Variants in PCDHGA7 observed in about 807,000 individuals in gnomAD.
PCDHGA7 encodes protocadherin gamma-A7.
Under a neutral mutation model 58.3 loss-of-function variants are expected in PCDHGA7, and 44 were observed. That is an observed-to-expected ratio of 0.75 (90% CI 0.59 to 0.97). The LOEUF (loss-of-function observed/expected upper bound fraction) is 0.97. Ranked by LOEUF, PCDHGA7 falls within the 50% of genes least tolerant of loss-of-function variation. The pLI, the probability that PCDHGA7 is intolerant of heterozygous loss-of-function variation, is 0.00. For missense variants in PCDHGA7, 1,266 were observed against 1,188.7 expected, an observed-to-expected ratio of 1.06 and a Z score of -0.96; for synonymous variants, 516 against 504.2, an observed-to-expected ratio of 1.02 and a Z score of -0.31.
intron 1 of PCDHGA7, among the ~76,000 whole-genome samples, chr5:141,484,795 C>T (rs1265916821): frequency 6.6e-6 from 1 of 151,784 alleles, no homozygotes; most frequent in African/African-American, 2.4e-5. Context: ...AGATAACAAC[C>T]CGTGGAAAAA....
chr5:141,399,713 A>C (rs1353862646), intron 1 of PCDHGA7: 1 of 1,613,326 alleles, frequency 6.2e-7, no homozygotes, highest in Non-Finnish European at 8.5e-7. Context: ...CTCACACTAC[A>C]GGCCCGCGAC....
At position 141,393,532 on chromosome 5, in the gene PCDHGA7, C is replaced by G. The variant is rs1411410420; in HGVS notation, c.2424+8209C>G. 1.4e-5 allele frequency: 23 copies of G among 1,613,886 alleles called. No homozygotes were observed. Among genetic ancestry groups the G allele is most frequent in the Non-Finnish European group, 1.9e-5 (23 of 1,179,916 alleles). On this transcript the variant is annotated intron_variant, in intron 1 of 3. Transcript: ENST00000518325. The stretch of plus-strand genomic sequence containing the variant: ...GTGTTGGATACAAATGACAATGCCC[C>G]GGTTTTTCCTCACCCGATTTACCGA...
chr5:141,423,121 G>T lies in PCDHGA7; in HGVS notation c.2424+37798G>T, dbSNP rs368205535. The T allele has an allele frequency of 5.6e-6, 9 of 1,613,680 alleles. No homozygotes were observed. The African/African-American group carries it at 1.1e-4, about 19-fold the overall frequency. ...CACGGGCGAGGTGCGTACAGCGCGG[G>T]CACTGCTGGACAGAGACGCGCTCAA... On this transcript the variant is annotated intron_variant, in intron 1 of 3. Coordinates refer to ENST00000518325, the MANE Select transcript of PCDHGA7 (RefSeq NM_018920.4).
chr5:141,434,072 A>G lies in PCDHGA7; in HGVS notation c.2424+48749A>G, dbSNP rs558084143. On this transcript the variant is annotated intron_variant, in intron 1 of 3. Coordinates refer to ENST00000518325, the MANE Select transcript of PCDHGA7 (RefSeq NM_018920.4). ...CAATGGCCTGTAATCTGTTAATATC[A>G]ATTATTTATTTTGATGCTGAAATTG... Among the ~76,000 whole-genome samples the G allele has an allele frequency of 1.9e-3, 289 of 152,072 alleles. 1 individual carries two copies. Among genetic ancestry groups the G allele is most frequent in the African/African-American group, 6.7e-3 (276 of 41,486 alleles).
In PCDHGA7 at chr5:141,490,442, A is replaced by T. The variant is rs757900187; in HGVS notation, c.2425-4365A>T. On this transcript the variant is annotated intron_variant, in intron 1 of 3. Transcript: ENST00000518325. The surrounding 1 kb of genome is among the most constrained non-coding windows in gnomAD (Gnocchi z 5.4). ...CTGCCATTTCAGATTAAGCCTTCTG[A>T]GAACCACTACTCGCTGCTAACCAGC... 16 of 1,614,092 alleles carry T rather than the reference A, an allele frequency of 9.9e-6. No individual in the cohort carries two copies. Among genetic ancestry groups the T allele is most frequent in the Non-Finnish European group, 1.2e-5 (14 of 1,180,044 alleles).
intron 1 of PCDHGA7, chr5:141,404,653 C>A (rs754039673): frequency 2.4e-5 from 39 of 1,614,206 alleles, no homozygotes; most frequent in Non-Finnish European, 3.1e-5. Flanking sequence ...ACCCTGCCCT[C>A]CCCACTGATG....
chr5:141,426,491 G>A, intron 1 of PCDHGA7: 1 of 336,822 alleles, frequency 3.0e-6, no homozygotes, highest in South Asian at 2.4e-5. Flanking sequence ...CTTAGAGTTA[G>A]TGCAGAGAAA....
At chr5:141,425,209 A>G (rs2096861765) in intron 1 of PCDHGA7, among the ~76,000 whole-genome samples, 1 of 152,180 alleles carries the variant, frequency 6.6e-6, no homozygotes, top group African/African-American at 2.4e-5. Context: ...GATGTAAGGC[A>G]TTGTACTTTG....
At position 141,487,144 on chromosome 5, in the gene PCDHGA7, C is replaced by T. The variant is rs2099640304; in HGVS notation, c.2425-7663C>T. The T allele has an allele frequency of 6.2e-7, 1 of 1,614,032 alleles. No homozygotes were observed. Among genetic ancestry groups the T allele is most frequent in the African/African-American group, 1.3e-5 (1 of 75,056 alleles). On this transcript the variant is annotated intron_variant, in intron 1 of 3. Coordinates refer to ENST00000518325, the MANE Select transcript of PCDHGA7 (RefSeq NM_018920.4). This position sits in a 1 kb window ranked among gnomAD's most constrained non-coding sequence, Gnocchi z 5.0. ...ATAGTGGTAGTCCACCACTCTCTAC[C>T]TCTGTTACTCTCTTAGTGTCCTTAG...
intron 1 of PCDHGA7, chr5:141,409,175 G>T: frequency 6.2e-7 from 1 of 1,614,008 alleles, no homozygotes; most frequent in Non-Finnish European, 8.5e-7. Flanking sequence ...GAAGGACGGA[G>T]GTGGTCTCTC....
In PCDHGA7 at chr5:141,490,275, C is replaced by A; in HGVS notation, c.2425-4532C>A. 6.2e-7 allele frequency: 1 copy of A among 1,614,238 alleles called. No individual in the cohort carries two copies. The highest frequency in any genetic ancestry group is 8.5e-7 in the Non-Finnish European group (1 of 1,180,044). On this transcript the variant is annotated intron_variant, in intron 1 of 3. Transcript: ENST00000518325. The surrounding 1 kb of genome is among the most constrained non-coding windows in gnomAD (Gnocchi z 5.4). Reference sequence around the variant, plus strand: ...AAGTGGATGTGGGGGATGTCAATGACAATGCCCCAGAGGTGCTATTGGCCT... The same window carrying A: ...AAGTGGATGTGGGGGATGTCAATGAAAATGCCCCAGAGGTGCTATTGGCCT...
intron 1 of PCDHGA7, chr5:141,420,545 A>G: frequency 3.5e-6 from 1 of 289,066 alleles, no homozygotes; most frequent in Non-Finnish European, 6.2e-6. Flanking sequence ...TATAAAATAC[A>G]GGTATATTTT....
At chr5:141,408,667 C>G in intron 1 of PCDHGA7, 1 of 1,613,954 alleles carries the variant, frequency 6.2e-7, no homozygotes, top group Non-Finnish European at 8.5e-7. Context: ...TATCGCTTGA[C>G]CCTGCCACGG....
chr5:141,427,046 C>G (rs916723344), intron 1 of PCDHGA7: 2 of 457,362 alleles, frequency 4.4e-6, no homozygotes, highest in Admixed American at 4.7e-5. Context: ...AGAATGTGCC[C>G]CCAGGCACCT....
chr5:141,434,795 T>C (rs1027924206), intron 1 of PCDHGA7, among the ~76,000 whole-genome samples: 2 of 152,004 alleles, frequency 1.3e-5, no homozygotes, highest in African/African-American at 2.4e-5. Context: ...TTTTTTTTTC[T>C]GAGCTTGGAG....
At chr5:141,408,588 A>G in intron 1 of PCDHGA7, 1 of 1,614,042 alleles carries the variant, frequency 6.2e-7, no homozygotes, top group Non-Finnish European at 8.5e-7. Context: ...GTTAATGACC[A>G]CGCCCCTCAA....
intron 1 of PCDHGA7, among the ~76,000 whole-genome samples, chr5:141,481,555 C>T (rs1013876865): frequency 3.3e-5 from 5 of 152,164 alleles, no homozygotes; most frequent in South Asian, 2.1e-4. Flanking sequence ...CAGTGGCTCA[C>T]GCCTGTAATC....
In PCDHGA7 at chr5:141,432,867, T is replaced by C; in HGVS notation, c.2424+47544T>C. ...GTAGCGGTGGCCGCGGTCTCCTGCG[T>C]CTTCCTGGCCTTCGTCATCTTGCTG... On this transcript the variant is annotated intron_variant, in intron 1 of 3. Coordinates refer to ENST00000518325, the MANE Select transcript of PCDHGA7 (RefSeq NM_018920.4). The surrounding 1 kb of genome is among the most constrained non-coding windows in gnomAD (Gnocchi z 6.0). 2 of 1,614,182 alleles carry C rather than the reference T, an allele frequency of 1.2e-6. No individual in the cohort carries two copies. The highest frequency in any genetic ancestry group is 1.7e-6 in the Non-Finnish European group (2 of 1,180,010).
intron 1 of PCDHGA7, chr5:141,417,819 C>T: frequency 3.3e-6 from 5 of 1,513,202 alleles, no homozygotes; most frequent in Non-Finnish European, 3.5e-6. Flanking sequence ...GCACTTTCTC[C>T]AACTGGAAAA....
Sources: gnomAD v4.1 joint callset for allele counts (sites outside exome capture counted in the v4.1 genomes callset) on GRCh38, gnomAD v4.1.1 for gene constraint, Gnocchi (gnomAD v3.1) non-coding constraint, MANE v1.5 for transcripts, NCBI Gene and HGNC (gene_info 2026-07-23, HGNC 2026-07-21) for gene names.